The following PTPRT variants were observed in gnomAD, a reference collection of about 807,000 sequenced individuals.
PTPRT encodes receptor-type tyrosine-protein phosphatase T.
Under a neutral mutation model 176.8 loss-of-function variants are expected in PTPRT, and 56 were observed. That is an observed-to-expected ratio of 0.32 (90% confidence interval 0.26 to 0.40). The LOEUF (loss-of-function observed/expected upper bound fraction) is 0.40. Ranked by LOEUF, PTPRT falls within the 10% of genes least tolerant of loss-of-function variation. The pLI is 1.00. For missense variants in PTPRT, 1,540 were observed against 1,908.2 expected, an observed-to-expected ratio of 0.81 and a Z score of 3.60; for synonymous variants, 783 against 739.0, an observed-to-expected ratio of 1.06 and a Z score of -0.96.
intron 2 of PTPRT, among the ~76,000 whole-genome samples, chr20:42,814,641 G>A (rs989426689): frequency 1.3e-5 from 2 of 152,166 alleles, no homozygotes; most frequent in African/African-American, 4.8e-5. Context: ...GGAAGCAAAT[G>A]TCATGACTGC....
intron 7 of PTPRT, among the ~76,000 whole-genome samples, chr20:42,644,755 C>T (rs1213421225): frequency 2.0e-5 from 3 of 152,146 alleles, no homozygotes; most frequent in Admixed American, 6.5e-5. Flanking sequence ...GATTCATACA[C>T]ATTAAGGTAA....
At chr20:42,085,915 A>T in intron 27 of PTPRT, 62 bp from the exon 28 acceptor site, 1 of 1,469,810 alleles carries the variant, frequency 6.8e-7, no homozygotes, top group Non-Finnish European at 9.3e-7. Context: ...TCAAAGTCTC[A>T]TTTATCAACA....
At chr20:42,263,604 C>G (rs895574178) in intron 13 of PTPRT, among the ~76,000 whole-genome samples, 2 of 151,354 alleles carry the variant, frequency 1.3e-5, no homozygotes. Context: ...TGGTCTAGAA[C>G]TCCTGACCTC....
the PTPRT span, among the ~76,000 whole-genome samples, chr20:42,064,967 T>G: frequency 2.0e-5 from 3 of 152,230 alleles, no homozygotes; most frequent in African/African-American, 7.2e-5. Flanking sequence ...GCTATGTAAT[T>G]AGTCTGACTA....
intron 1 of PTPRT, among the ~76,000 whole-genome samples, chr20:42,990,313 T>TTTAG (rs1341807672): frequency 6.6e-6 from 1 of 152,194 alleles, no homozygotes; most frequent in Non-Finnish European, 1.5e-5. Context: ...CAACCTCTGA[T>TTTAG]TTAGATACTG....
At chr20:42,673,208 C>G (rs1193773097) in intron 7 of PTPRT, among the ~76,000 whole-genome samples, 2 of 152,174 alleles carry the variant, frequency 1.3e-5, no homozygotes, top group Non-Finnish European at 2.9e-5. Flanking sequence ...TCCAACTATT[C>G]TGAGTCTCAG....
At chr20:43,133,101 G>C (rs2146383718) in intron 1 of PTPRT, among the ~76,000 whole-genome samples, 1 of 152,232 alleles carries the variant, frequency 6.6e-6, no homozygotes, top group Admixed American at 6.5e-5. Context: ...TCAACTGAAA[G>C]GGAGCTCAAT....
At chr20:43,156,048 G>A (rs1223679355) in intron 1 of PTPRT, among the ~76,000 whole-genome samples, 5 of 152,084 alleles carry the variant, frequency 3.3e-5, no homozygotes, top group African/African-American at 7.2e-5. Flanking sequence ...CACTATTCAC[G>A]ACACCTCCAA....
At chr20:42,440,724 G>A (rs924540481) in intron 9 of PTPRT, among the ~76,000 whole-genome samples, 6 of 151,988 alleles carry the variant, frequency 3.9e-5, no homozygotes, top group South Asian at 2.1e-4. Context: ...TGATCCGCCC[G>A]CCTTGGCCTC....
chr20:42,920,453 G>A, intron 1 of PTPRT, among the ~76,000 whole-genome samples: 1 of 152,060 alleles, frequency 6.6e-6, no homozygotes, highest in East Asian at 1.9e-4. Context: ...AGGGAGAGAA[G>A]GAAGGGGAGG....
intron 4 of PTPRT, among the ~76,000 whole-genome samples, chr20:42,772,854 G>T (rs1376626816): frequency 6.6e-6 from 1 of 152,188 alleles, no homozygotes; most frequent in Non-Finnish European, 1.5e-5. Context: ...TAAATGCTTT[G>T]CATGCTCTAT....
chr20:42,564,599 G>A lies in PTPRT; in HGVS notation c.1154-92037C>T, dbSNP rs1303509063. Among the ~76,000 whole-genome samples the A allele has an allele frequency of 3.3e-5, 5 of 152,096 alleles. No homozygotes were observed. The East Asian group carries it at 9.7e-4, about 29-fold the overall frequency. On this transcript the variant is annotated intron_variant, in intron 7 of 30. Transcript: ENST00000373187. ...TCAGGAGGTTGTTGGGGGGACAAGG[G>A]AAGGGAGAGCATTAAGGCATTAAGA...
At chr20:42,659,006 A>G (rs1382360401) in intron 7 of PTPRT, among the ~76,000 whole-genome samples, 2 of 152,098 alleles carry the variant, frequency 1.3e-5, no homozygotes, top group African/African-American at 2.4e-5. Context: ...ATTTTGTATA[A>G]TCTCCATGTG....
intron 27 of PTPRT, among the ~76,000 whole-genome samples, chr20:42,096,756 ATT>A (rs58111170): frequency 1.3e-4 from 16 of 118,854 alleles, no homozygotes; most frequent in Middle Eastern, 4.8e-3. Flanking sequence ...GCTAATTAAA[ATT>A]TTTTTTTTTT....
chr20:42,620,930 C>T (rs1041168586), intron 7 of PTPRT, among the ~76,000 whole-genome samples: 6 of 152,168 alleles, frequency 3.9e-5, no homozygotes, highest in East Asian at 1.9e-4. Flanking sequence ...AGCTGTAGAC[C>T]GGAGGTGTTC....
intron 7 of PTPRT, among the ~76,000 whole-genome samples, chr20:42,567,740 G>C (rs2073069404): frequency 6.6e-6 from 1 of 152,196 alleles, no homozygotes; most frequent in Non-Finnish European, 1.5e-5. Context: ...CACAGATGTA[G>C]GGGATGATTA....
chr20:42,758,920 C>G (rs1352200188), intron 5 of PTPRT, among the ~76,000 whole-genome samples: 1 of 152,230 alleles, frequency 6.6e-6, no homozygotes, highest in African/African-American at 2.4e-5. Flanking sequence ...CTTCCTCATG[C>G]CTTGAGGCAT....
intron 8 of PTPRT, among the ~76,000 whole-genome samples, chr20:42,450,994 G>T (rs747434010): frequency 6.6e-6 from 1 of 152,198 alleles, no homozygotes; most frequent in Non-Finnish European, 1.5e-5. Flanking sequence ...AGTTAGAGTT[G>T]CTTGATAAGT....
chr20:42,042,930 T>A, the PTPRT span, among the ~76,000 whole-genome samples: 7 of 152,244 alleles, frequency 4.6e-5, no homozygotes, highest in Non-Finnish European at 8.8e-5. Flanking sequence ...CCTTCCCTTG[T>A]AAGACCAGCC....
Sources: allele counts gnomAD v4.1 joint callset (sites outside exome capture counted in the v4.1 genomes callset), GRCh38; gene constraint gnomAD v4.1.1; transcripts MANE v1.5; gene names NCBI Gene and HGNC (gene_info 2026-07-23, HGNC 2026-07-21).